The following DDX31 variants were observed in gnomAD, a reference collection of about 807,000 sequenced individuals.
DDX31 encodes ATP-dependent DNA helicase DDX31.
A neutral mutation model predicts 91.3 loss-of-function variants in DDX31; 70 were observed. The observed-to-expected ratio is 0.77, with a 90% confidence interval of 0.63 to 0.94. The LOEUF is 0.94. Among genes scored for constraint, DDX31 ranks in the 40% least tolerant of loss-of-function variants. The probability of loss-of-function intolerance (pLI) is 0.00; values close to 1 mark genes in which losing one functional copy is unlikely to be tolerated. For missense variants in DDX31, 902 were observed against 925.0 expected (o/e 0.98, Z 0.32); for synonymous variants, 362 against 350.6 (o/e 1.03, Z -0.36).
chr9:132,658,832 G>A (rs1464266812), intron 5 of DDX31, 97 bp from the exon 6 acceptor site: 1 of 1,120,756 alleles, frequency 8.9e-7, no homozygotes, highest in African/African-American at 1.6e-5. Flanking sequence ...CTATCTTCCA[G>A]TAGTACTAAA....
chr9:132,645,201 A>G (rs1378605166), intron 13 of DDX31, among the ~76,000 whole-genome samples: 1 of 152,082 alleles, frequency 6.6e-6, no homozygotes, highest in Non-Finnish European at 1.5e-5. Context: ...TCCAGTGAGT[A>G]TATCTCACTC....
intron 17 of DDX31, among the ~76,000 whole-genome samples, chr9:132,620,450 G>C: frequency 6.6e-6 from 1 of 150,810 alleles, no homozygotes; most frequent in South Asian, 2.1e-4. Flanking sequence ...TATATATAAT[G>C]TGAGTGTGTA....
At position 132,669,982 on chromosome 9, in the gene DDX31, C is replaced by T. The variant is rs1434013844; in HGVS notation, c.-48G>A. Reference sequence around the variant, plus strand: ...TGCAGCAGCGAGCCCGGTGCGCAGACTGCTGGGCCCGGGACCCCACGTGGG... The same window carrying T: ...TGCAGCAGCGAGCCCGGTGCGCAGATTGCTGGGCCCGGGACCCCACGTGGG... On this transcript the variant is annotated 5_prime_UTR_variant, in exon 1 of 20. Transcript: ENST00000372159. 3.8e-6 allele frequency: 6 copies of T among 1,574,034 alleles called. No homozygotes were observed. Among genetic ancestry groups the T allele is most frequent in the Non-Finnish European group, 5.2e-6 (6 of 1,160,978 alleles).
intron 6 of DDX31, among the ~76,000 whole-genome samples, chr9:132,654,870 C>A (rs192454474): frequency 6.9e-6 from 1 of 144,224 alleles, no homozygotes; most frequent in African/African-American, 2.6e-5. Flanking sequence ...TGCTTGAATC[C>A]GGGAGGTGGA....
At chr9:132,654,473 C>T (rs1035944847) in intron 6 of DDX31, among the ~76,000 whole-genome samples, 6 of 151,862 alleles carry the variant, frequency 4.0e-5, no homozygotes, top group Admixed American at 2.0e-4. Flanking sequence ...ATTAGCCAGG[C>T]GTGGTGGTGC....
At chr9:132,609,751 A>G (rs979933187) in intron 19 of DDX31, among the ~76,000 whole-genome samples, 10 of 151,904 alleles carry the variant, frequency 6.6e-5, no homozygotes, top group Non-Finnish European at 1.2e-4. Context: ...CCTCCCAAGT[A>G]GCTGGAATTA....
At chr9:132,663,626 G>A in intron 1 of DDX31, 1 of 642,684 alleles carries the variant, frequency 1.6e-6, no homozygotes, top group Non-Finnish European at 1.9e-6. Flanking sequence ...GGAGTTTTGG[G>A]TTCTCTCAGA....
chr9:132,644,546 C>T (rs576942128), intron 13 of DDX31, among the ~76,000 whole-genome samples: 3 of 152,296 alleles, frequency 2.0e-5, no homozygotes, highest in Non-Finnish European at 2.9e-5. Context: ...ATAAACAGCA[C>T]GCTAGACTAC....
intron 5 of DDX31, among the ~76,000 whole-genome samples, chr9:132,659,295 TGGCCTGGAACAC>T (rs1834783750): frequency 6.6e-6 from 1 of 152,220 alleles, no homozygotes; most frequent in Non-Finnish European, 1.5e-5. Context: ...AAGTCCAGAC[TGGCCTGGAACAC>T]GGCAGAAACA....
chr9:132,650,209 C>A (rs1834099117), intron 9 of DDX31, 25 bp downstream of exon 9: 4 of 1,611,986 alleles, frequency 2.5e-6, no homozygotes, highest in Non-Finnish European at 3.4e-6. Context: ...AAGAAGGAAA[C>A]AACAACCAAC....
At position 132,624,094 on chromosome 9, in the gene DDX31, G is replaced by A. The variant is rs185572461; in HGVS notation, c.1713+1570C>T. On this transcript the variant is annotated intron_variant, in intron 17 of 19. Coordinates refer to ENST00000372159, the MANE Select transcript of DDX31 (RefSeq NM_022779.9). Reference sequence around the variant, plus strand: ...AGGCAGAAGAATCACTCGAACCTGGGAGGCAGGGGTTGCAGTGAGCCAAGA... The same window carrying A: ...AGGCAGAAGAATCACTCGAACCTGGAAGGCAGGGGTTGCAGTGAGCCAAGA... 6.3e-3 allele frequency among the ~76,000 whole-genome samples: 935 copies of A among 147,870 alleles called. 7 individuals carry two copies. The highest frequency in any genetic ancestry group is 0.01 in the Non-Finnish European group (706 of 67,408).
chr9:132,645,303 T>C (rs1005628046), intron 13 of DDX31, among the ~76,000 whole-genome samples: 1 of 152,164 alleles, frequency 6.6e-6, no homozygotes, highest in African/African-American at 2.4e-5. Context: ...GGGGAAATGT[T>C]GTATTCTTCT....
intron 14 of DDX31, among the ~76,000 whole-genome samples, chr9:132,639,526 A>G (rs1298460634): frequency 6.6e-6 from 1 of 152,252 alleles, no homozygotes; most frequent in Non-Finnish European, 1.5e-5. Flanking sequence ...CTTTGCCAAG[A>G]CAATGGCATT....
chr9:132,646,202 T>TA (rs369515688), intron 12 of DDX31, 131 bp from the exon 13 acceptor site: 1 of 1,023,820 alleles, frequency 9.8e-7, no homozygotes. Flanking sequence ...TTGAATTATT[T>TA]AAAAAAACAA....
intron 15 of DDX31, among the ~76,000 whole-genome samples, chr9:132,631,661 C>T (rs1008665955): frequency 3.3e-5 from 5 of 152,222 alleles, no homozygotes; most frequent in Non-Finnish European, 5.9e-5. Flanking sequence ...TTGCTCCCTG[C>T]AGGTCAACGT....
chr9:132,658,715 T>G lies in DDX31; in HGVS notation c.544A>C (p.Ile182Leu). ...GCTTGAAGGGACTGGACCACAGGGA[T>G]GCAATAGGCAAGAGTTTTACCTTTC... Reference protein sequence around the residue: ...TGSGKTLAYCIPVVQSLQAME... With the variant: ...TGSGKTLAYCLPVVQSLQAME... Residue 182 changes from isoleucine (I) to leucine (L), a missense_variant, in exon 6 of 20, where the codon ATC (isoleucine) becomes CTC (leucine). Physicochemically the swap from Ile to Leu is conservative, Grantham distance 5 (BLOSUM62 2). Coordinates refer to ENST00000372159, the MANE Select transcript of DDX31 (RefSeq NM_022779.9). The G allele has an allele frequency of 6.2e-7, 1 of 1,613,890 alleles. No homozygotes were observed. Among genetic ancestry groups the G allele is most frequent in the African/African-American group, 1.3e-5 (1 of 75,012 alleles).
At chr9:132,598,832 A>G (rs2119184094) in intron 19 of DDX31, among the ~76,000 whole-genome samples, 1 of 152,366 alleles carries the variant, frequency 6.6e-6, no homozygotes, top group East Asian at 1.9e-4. Flanking sequence ...AAAATATTAA[A>G]GTATATTTTC....
intron 18 of DDX31, among the ~76,000 whole-genome samples, chr9:132,616,347 C>T (rs1487760286): frequency 1.3e-5 from 2 of 152,070 alleles, no homozygotes; most frequent in Non-Finnish European, 2.9e-5. Flanking sequence ...GACAAGTGAC[C>T]CTGCTTGTTT....
At chr9:132,615,282 A>AGCATCCCTTCCAAAC (rs1467118637) in intron 18 of DDX31, among the ~76,000 whole-genome samples, 1 of 152,168 alleles carries the variant, frequency 6.6e-6, no homozygotes, top group African/African-American at 2.4e-5. Context: ...GATGACTTGT[A>AGCATCCCTTCCAAAC]AGATGAAGGA....
Sources: gnomAD v4.1 joint callset for allele counts (sites outside exome capture counted in the v4.1 genomes callset) on GRCh38, gnomAD v4.1.1 for gene constraint, MANE v1.5 for transcripts, NCBI Gene and HGNC (gene_info 2026-07-23, HGNC 2026-07-21) for gene names.